The following IFT81 variants were observed in gnomAD, a reference collection of about 807,000 sequenced individuals.
The protein encoded by IFT81 is intraflagellar transport protein 81 homolog.
A neutral mutation model predicts 102.6 loss-of-function variants in IFT81; 72 were observed. The observed-to-expected ratio is 0.70, with a 90% CI of 0.58 to 0.85. The LOEUF (loss-of-function observed/expected upper bound fraction) is 0.85, where lower values mean the gene tolerates loss of function less well. Among genes scored for constraint, IFT81 ranks in the 40% least tolerant of loss-of-function variants. IFT81 has a pLI of 0.00. For synonymous variants in IFT81, 237 were observed against 242.7 expected (o/e 0.98, Z 0.22); for missense variants, 723 against 787.3 (o/e 0.92, Z 0.98).
intron 10 of IFT81, among the ~76,000 whole-genome samples, chr12:110,149,659 G>A (rs1330876070): frequency 2.0e-5 from 3 of 152,078 alleles, no homozygotes; most frequent in African/African-American, 4.8e-5. Flanking sequence ...TCAGGCCGCC[G>A]AGTGGCCTGA....
intron 10 of IFT81, among the ~76,000 whole-genome samples, chr12:110,160,609 C>T (rs1896081895): frequency 6.6e-6 from 1 of 152,216 alleles, no homozygotes. Context: ...ATGTCAGTCT[C>T]CTCTGGCAAT....
intron 11 of IFT81, among the ~76,000 whole-genome samples, chr12:110,175,676 A>G (rs1381435209): frequency 6.6e-6 from 1 of 152,158 alleles, no homozygotes; most frequent in African/African-American, 2.4e-5. Context: ...TAGACAAGCC[A>G]AGTTGTTTTC....
At chr12:110,173,077 C>A (rs1186737292) in intron 11 of IFT81, among the ~76,000 whole-genome samples, 1 of 141,106 alleles carries the variant, frequency 7.1e-6, no homozygotes, top group East Asian at 2.2e-4. Flanking sequence ...AAGTGAGGAG[C>A]CCCTCTGCCC....
At chr12:110,129,356 C>G (rs1555257658) in intron 4 of IFT81, among the ~76,000 whole-genome samples, 1 of 151,602 alleles carries the variant, frequency 6.6e-6, no homozygotes, top group Non-Finnish European at 1.5e-5. Flanking sequence ...AAAAAAAAAC[C>G]TGATACTAAG....
Position 110,190,967 on chromosome 12 carries a change from A to G in IFT81, c.1386A>G (p.Gln462=), listed in dbSNP as rs1376975114. 2.5e-6 allele frequency: 4 copies of G among 1,608,032 alleles called. No homozygotes were observed. Among genetic ancestry groups the G allele is most frequent in the Non-Finnish European group, 3.4e-6 (4 of 1,177,472 alleles). ...GTATATCTGGATATAGTTACACCCA[A>G]GAAGAGCTAGAAAGAGTATCTGCAC... is the stretch of plus-strand genomic sequence containing the variant. ...KKGISGYSYT[Q]EELERVSALK... Residue 462 remains glutamine (Q), a synonymous_variant, in exon 13 of 19, where the codon CAA becomes CAG. Transcript: ENST00000242591.
intron 8 of IFT81, among the ~76,000 whole-genome samples, chr12:110,138,126 A>C (rs1894623638): frequency 6.6e-6 from 1 of 151,600 alleles, no homozygotes; most frequent in Non-Finnish European, 1.5e-5. Context: ...TAGAGGGTTA[A>C]TTCATCTTTC....
intron 12 of IFT81, among the ~76,000 whole-genome samples, chr12:110,186,679 A>T (rs539673055): frequency 6.9e-4 from 105 of 151,422 alleles, no homozygotes; most frequent in African/African-American, 2.3e-3. Flanking sequence ...ATGCTCAGCC[A>T]TTTTGTGTGT....
intron 1 of IFT81, among the ~76,000 whole-genome samples, chr12:110,126,796 G>A (rs1419494026): frequency 9.2e-5 from 14 of 152,136 alleles, no homozygotes; most frequent in African/African-American, 3.4e-4. Flanking sequence ...GATGCCTACC[G>A]GCCACACCAA....
chr12:110,153,271 G>A (rs1356483025), intron 10 of IFT81, among the ~76,000 whole-genome samples: 1 of 152,192 alleles, frequency 6.6e-6, no homozygotes, highest in Non-Finnish European at 1.5e-5. Flanking sequence ...TTTCGCTCTT[G>A]TTGCCCAGGC....
At chr12:110,152,836 C>T (rs548355471) in intron 10 of IFT81, among the ~76,000 whole-genome samples, 1 of 152,076 alleles carries the variant, frequency 6.6e-6, no homozygotes, top group Non-Finnish European at 1.5e-5. Flanking sequence ...AGAGATCCTC[C>T]CGCCTGGACT....
In IFT81 at chr12:110,151,935, T is replaced by C. The variant is rs1895557460; in HGVS notation, c.1041+4887T>C. Among the ~76,000 whole-genome samples, 3 of 152,172 alleles carry C rather than the reference T, an allele frequency of 2.0e-5. No individual in the cohort carries two copies. The South Asian group carries it at 6.2e-4, about 32-fold the overall frequency. ...GTCTTTCTGTGCCTGGCTTATTTCA[T>C]TTAACATAGTGTCCTTCAGGCTCAT... On this transcript the variant is annotated intron_variant, in intron 10 of 18. Coordinates refer to ENST00000242591, the MANE Select transcript of IFT81 (RefSeq NM_014055.4).
intron 10 of IFT81, among the ~76,000 whole-genome samples, chr12:110,154,933 T>G (rs1000189813): frequency 1.3e-5 from 2 of 150,774 alleles, no homozygotes; most frequent in African/African-American, 4.8e-5. Flanking sequence ...ATTTTCTAAC[T>G]TATATTCTGT....
intron 11 of IFT81, chr12:110,169,141 G>A (rs544247800): frequency 2.0e-5 from 3 of 148,984 alleles, no homozygotes; most frequent in South Asian, 4.2e-4. Context: ...TAGGCAGAAT[G>A]TGCCTAGATG....
intron 11 of IFT81, among the ~76,000 whole-genome samples, chr12:110,170,288 G>A (rs981896862): frequency 3.9e-5 from 6 of 152,208 alleles, no homozygotes; most frequent in African/African-American, 1.2e-4. Context: ...ATTATGCCAG[G>A]CATTGTGGTT....
At chr12:110,165,288 C>T (rs1280842289) in intron 11 of IFT81, among the ~76,000 whole-genome samples, 2 of 152,058 alleles carry the variant, frequency 1.3e-5, no homozygotes, top group Admixed American at 6.6e-5. Context: ...GTTTTATTTT[C>T]TACTATGATA....
chr12:110,127,916 A>C (rs1488430701), intron 2 of IFT81, 130 bp from the exon 3 acceptor site: 1 of 645,550 alleles, frequency 1.5e-6, no homozygotes, highest in East Asian at 2.7e-5. Context: ...GGGGGCCTCC[A>C]TCCTTAATCT....
At chr12:110,140,723 CTTAT>C (rs1250450671) in intron 8 of IFT81, among the ~76,000 whole-genome samples, 6 of 151,956 alleles carry the variant, frequency 3.9e-5, no homozygotes, top group East Asian at 3.9e-4. Context: ...TGTTTATTTA[CTTAT>C]TTATTTATTT....
chr12:110,157,098 C>T (rs556491745), intron 10 of IFT81, among the ~76,000 whole-genome samples: 1 of 151,798 alleles, frequency 6.6e-6, no homozygotes, highest in Non-Finnish European at 1.5e-5. Context: ...GCCTGTAATC[C>T]CAACACTTTG....
At chr12:110,181,819 A>G (rs1897321592) in intron 12 of IFT81, among the ~76,000 whole-genome samples, 1 of 152,104 alleles carries the variant, frequency 6.6e-6, no homozygotes, top group African/African-American at 2.4e-5. Context: ...CGAGAAGGGA[A>G]TTCTTTGTGC....
Sources: gnomAD v4.1 joint callset for allele counts (sites outside exome capture counted in the v4.1 genomes callset) on GRCh38, gnomAD v4.1.1 for gene constraint, MANE v1.5 for transcripts, NCBI Gene and HGNC (gene_info 2026-07-23, HGNC 2026-07-21) for gene names.